Variants in TMEM132B observed in about 807,000 individuals in gnomAD.
The protein encoded by TMEM132B is transmembrane protein 132B.
In TMEM132B, 18 loss-of-function variants were observed where a neutral mutation model predicts 90.8. The ratio of observed to expected loss-of-function variants is 0.20; its 90% CI spans 0.14 to 0.29. The LOEUF is 0.29. TMEM132B is among the 10% of genes least tolerant of loss of function. The pLI is 1.00. For missense variants in TMEM132B, 1,096 were observed against 1,326.8 expected (o/e 0.83, Z 2.70); for synonymous variants, 504 against 523.3 (o/e 0.96, Z 0.50).
intron 2 of TMEM132B, among the ~76,000 whole-genome samples, chr12:125,395,307 C>T (rs323846): frequency 0.37 from 55,575 of 152,102 alleles, 11,387 homozygotes; most frequent in East Asian, 0.81. Flanking sequence ...TTGATATGAC[C>T]AGACATTTTA....
At chr12:125,252,357 G>T (rs1322156455) in intron 1 of TMEM132B, among the ~76,000 whole-genome samples, 2 of 152,176 alleles carry the variant, frequency 1.3e-5, no homozygotes, top group Admixed American at 1.3e-4. Flanking sequence ...GCATGTGGTG[G>T]CCTCACAGCT....
intron 1 of TMEM132B, among the ~76,000 whole-genome samples, chr12:125,325,802 G>C (rs1876548210): frequency 6.6e-6 from 1 of 151,990 alleles, no homozygotes; most frequent in Non-Finnish European, 1.5e-5. Flanking sequence ...CTAGCTTCTA[G>C]TGAGAGTTCT....
chr12:125,660,286 A>G lies in TMEM132B; in HGVS notation c.*5576A>G, dbSNP rs1227779009. 2 of 152,118 alleles carry G rather than the reference A, an allele frequency of 1.3e-5. No individual in the cohort carries two copies. Among genetic ancestry groups the G allele is most frequent in the Non-Finnish European group, 2.9e-5 (2 of 68,020 alleles). The allele number at this position is 152,118 out of a possible 1,614,324, so 9.4% of individuals were successfully genotyped here. A position where few individuals can be genotyped will look rare whatever the true frequency, so the allele number is the denominator to read the frequency against. The stretch of plus-strand genomic sequence containing the variant: ...AAACAAGAAAAACAAAAAGAACTTA[A>G]CCAGTTCTCCCCAGATCTCAGCGTG... On this transcript the variant is annotated 3_prime_UTR_variant, in exon 9 of 9. Transcript: ENST00000682704.
At chr12:125,226,566 A>G (rs771116159) in intron 1 of TMEM132B, among the ~76,000 whole-genome samples, 10 of 152,228 alleles carry the variant, frequency 6.6e-5, no homozygotes, top group Non-Finnish European at 1.2e-4. Context: ...CCTTCCAGAC[A>G]GGGGAATCGG....
At chr12:125,239,612 C>T (rs1006054005) in intron 1 of TMEM132B, among the ~76,000 whole-genome samples, 2 of 152,146 alleles carry the variant, frequency 1.3e-5, no homozygotes, top group African/African-American at 4.8e-5. Flanking sequence ...TCCATAGGAC[C>T]AACAGGATGG....
At chr12:125,448,683 T>C (rs1050493961) in intron 3 of TMEM132B, among the ~76,000 whole-genome samples, 17 of 152,202 alleles carry the variant, frequency 1.1e-4, no homozygotes, top group Non-Finnish European at 1.6e-4. Context: ...TTTGGGTAAA[T>C]ACTCAGGAAT....
chr12:125,427,350 T>A (rs896274915), intron 3 of TMEM132B, among the ~76,000 whole-genome samples: 26 of 152,180 alleles, frequency 1.7e-4, no homozygotes, highest in Non-Finnish European at 3.4e-4. Context: ...AAGATACCAC[T>A]CTTGGCTCCA....
At chr12:125,304,780 A>G (rs1875918494) in intron 1 of TMEM132B, among the ~76,000 whole-genome samples, 1 of 152,130 alleles carries the variant, frequency 6.6e-6, no homozygotes, top group African/African-American at 2.4e-5. Context: ...GTAGTGCACC[A>G]TGTCTGCGCC....
rs1566061537 is a variant in TMEM132B at position 125,519,614 on chromosome 12, C to T, written c.1282C>T (p.Pro428Ser). Reference protein sequence around the residue: ...VSQTTFVGIVPLAMDTEVLNT... With the variant: ...VSQTTFVGIVSLAMDTEVLNT... Reference sequence around the variant, plus strand: ...CCAGACAACCTTCGTGGGCATCGTCCCTCTTGCCATGGTGAGGAATCTGGG... The same window carrying T: ...CCAGACAACCTTCGTGGGCATCGTCTCTCTTGCCATGGTGAGGAATCTGGG... The change falls in exon 4 of 9, where the codon CCT (proline) becomes TCT (serine). Residue 428 changes from proline (P) to serine (S), a missense_variant. Coordinates refer to ENST00000682704, the MANE Select transcript of TMEM132B (RefSeq NM_001366854.1). 2 of 1,613,838 alleles carry T rather than the reference C, an allele frequency of 1.2e-6. No individual in the cohort carries two copies. Among genetic ancestry groups the T allele is most frequent in the Admixed American group, 3.3e-5 (2 of 59,992 alleles).
intron 2 of TMEM132B, among the ~76,000 whole-genome samples, chr12:125,392,260 G>A (rs886850577): frequency 1.3e-5 from 2 of 152,196 alleles, no homozygotes; most frequent in African/African-American, 4.8e-5. Flanking sequence ...CTTACCTGAA[G>A]GCTGGAAGCT....
chr12:125,443,408 A>G (rs1880925987), intron 3 of TMEM132B, among the ~76,000 whole-genome samples: 1 of 151,932 alleles, frequency 6.6e-6, no homozygotes, highest in African/African-American at 2.4e-5. Context: ...TTCTCTGTGA[A>G]CTCCAGCAGA....
chr12:125,322,915 A>G (rs1024127719), intron 1 of TMEM132B, among the ~76,000 whole-genome samples: 1 of 151,936 alleles, frequency 6.6e-6, no homozygotes, highest in Non-Finnish European at 1.5e-5. Flanking sequence ...ATGTTTCCCT[A>G]TGTATAGTTT....
intron 4 of TMEM132B, among the ~76,000 whole-genome samples, chr12:125,564,008 C>G (rs959806988): frequency 1.3e-5 from 2 of 152,102 alleles, no homozygotes; most frequent in East Asian, 3.9e-4. Flanking sequence ...TTTAAGCCAC[C>G]AAGTTTGCAG....
At chr12:125,285,846 G>A (rs1037064499) in intron 1 of TMEM132B, among the ~76,000 whole-genome samples, 6 of 152,226 alleles carry the variant, frequency 3.9e-5, no homozygotes, top group Non-Finnish European at 8.8e-5. Context: ...GCCTGGGGAG[G>A]TAGAGGAGAA....
At chr12:125,602,764 A>G (rs961256172) in intron 5 of TMEM132B, among the ~76,000 whole-genome samples, 1 of 152,264 alleles carries the variant, frequency 6.6e-6, no homozygotes, top group African/African-American at 2.4e-5. Flanking sequence ...CAACTTCAGC[A>G]AAGTCTCAGG....
At chr12:125,638,105 T>C (rs1263622900) in intron 5 of TMEM132B, among the ~76,000 whole-genome samples, 2 of 152,204 alleles carry the variant, frequency 1.3e-5, no homozygotes, top group Non-Finnish European at 2.9e-5. Context: ...TGTCCTTGCC[T>C]GGGCTGCACT....
chr12:125,420,494 G>C (rs2136374619), intron 3 of TMEM132B, among the ~76,000 whole-genome samples: 1 of 152,318 alleles, frequency 6.6e-6, no homozygotes, highest in South Asian at 2.1e-4. Context: ...AGCGTACCAA[G>C]TCCCTAGGCT....
chr12:125,601,948 T>A (rs534636792), intron 5 of TMEM132B, among the ~76,000 whole-genome samples: 1 of 152,222 alleles, frequency 6.6e-6, no homozygotes, highest in Non-Finnish European at 1.5e-5. Context: ...CAATAACAAG[T>A]TCTGAAATTG....
At chr12:125,549,509 T>C (rs1884168169) in intron 4 of TMEM132B, among the ~76,000 whole-genome samples, 1 of 152,228 alleles carries the variant, frequency 6.6e-6, no homozygotes, top group Non-Finnish European at 1.5e-5. Context: ...CAGGTCTCTC[T>C]GCTCACTGGG....
Sources: allele counts gnomAD v4.1 joint callset (sites outside exome capture counted in the v4.1 genomes callset), GRCh38; gene constraint gnomAD v4.1.1; transcripts MANE v1.5; gene names NCBI Gene and HGNC (gene_info 2026-07-23, HGNC 2026-07-21).